Variants in NRG1 observed in about 807,000 individuals in gnomAD.
NRG1 encodes the protein neuregulin 1, also known as pro-neuregulin-1, membrane-bound isoform.
In NRG1, 18 loss-of-function variants were observed where a neutral mutation model predicts 63.8. The ratio of observed to expected loss-of-function variants is 0.28; its 90% confidence interval spans 0.19 to 0.42. The LOEUF is 0.42. NRG1 is among the 10% of genes least tolerant of loss of function. NRG1 has a pLI of 1.00. For synonymous variants in NRG1, 302 were observed against 301.3 expected (o/e 1.00, Z -0.02); for missense variants, 762 against 814.7 (o/e 0.94, Z 0.79).
chr8:32,344,602 A>ATTTTTTT (rs61448713), intron 1 of NRG1, among the ~76,000 whole-genome samples: 389 of 101,096 alleles, frequency 3.8e-3, no homozygotes, highest in Non-Finnish European at 4.4e-3. Context: ...ACACTCAGCT[A>ATTTTTTT]TTTTTTTTTT....
At chr8:32,324,844 G>A (rs116769974) in intron 1 of NRG1, among the ~76,000 whole-genome samples, 1,786 of 152,184 alleles carry the variant, frequency 0.012, 32 homozygotes, top group African/African-American at 0.035. Context: ...TGCAGGCCCT[G>A]GATTCAGAGC....
At chr8:32,484,919 A>G (rs1006770003) in intron 1 of NRG1, among the ~76,000 whole-genome samples, 1 of 152,190 alleles carries the variant, frequency 6.6e-6, no homozygotes, top group African/African-American at 2.4e-5. Flanking sequence ...TTAAATATTA[A>G]TCACAAAGAA....
intron 1 of NRG1, among the ~76,000 whole-genome samples, chr8:32,448,500 C>A (rs1045018910): frequency 1.3e-5 from 2 of 152,070 alleles, no homozygotes; most frequent in African/African-American, 2.4e-5. Context: ...TTAGCTGGCC[C>A]GAGTCTGGGA....
At position 31,689,424 on chromosome 8, in the gene NRG1, A is replaced by C. The variant is rs117779689; in HGVS notation, c.37+49993A>C. 3.2e-3 allele frequency among the ~76,000 whole-genome samples: 480 copies of C among 152,286 alleles called. 2 individuals carry two copies. Among genetic ancestry groups the C allele is most frequent in the South Asian group, 0.021 (102 of 4,828 alleles). On this transcript the variant is annotated intron_variant, in intron 1 of 10. Transcript: ENST00000519301. ...ATAATTTAGTACATTATTATTCTTTAATTTCTATAGTATTTATAATAAAGT... is the reference window on the plus strand; with the variant it reads ...ATAATTTAGTACATTATTATTCTTTCATTTCTATAGTATTTATAATAAAGT...
At chr8:32,543,349 A>G (rs912304839), upstream of NRG1, among the ~76,000 whole-genome samples, 2 of 152,174 alleles carry the variant, frequency 1.3e-5, no homozygotes, top group Non-Finnish European at 2.9e-5. Context: ...ATATATTTGC[A>G]TCATATACAC....
chr8:32,499,313 C>T lies in NRG1; in HGVS notation c.38-96515C>T, dbSNP rs191943804. The stretch of plus-strand genomic sequence containing the variant: ...CATTTCTATGAAAACAAAAGAAAAA[C>T]AAAGATTAACAGTTGGAGCAGACTC... On this transcript the variant is annotated intron_variant, in intron 1 of 10. Transcript: ENST00000519301. Among the ~76,000 whole-genome samples, 31 of 152,188 alleles carry T rather than the reference C, an allele frequency of 2.0e-4. No homozygotes were observed. The East Asian group carries it at 5.4e-3, about 27-fold the overall frequency.
chr8:31,727,618 T>C (rs1813579868), intron 1 of NRG1, among the ~76,000 whole-genome samples: 1 of 152,174 alleles, frequency 6.6e-6, no homozygotes, highest in African/African-American at 2.4e-5. Flanking sequence ...TCAATTACAC[T>C]ATATATTTTC....
At chr8:31,912,153 A>C (rs1223189489) in intron 1 of NRG1, among the ~76,000 whole-genome samples, 1 of 152,228 alleles carries the variant, frequency 6.6e-6, no homozygotes, top group Admixed American at 6.5e-5. Flanking sequence ...TATTGGGAGT[A>C]AGCACAGGGC....
intron 1 of NRG1, among the ~76,000 whole-genome samples, chr8:32,252,235 A>G (rs1288587558): frequency 1.3e-5 from 2 of 152,042 alleles, no homozygotes; most frequent in Non-Finnish European, 2.9e-5. Context: ...TTTTGTTGCC[A>G]TTGCTTTTGG....
intron 1 of NRG1, among the ~76,000 whole-genome samples, chr8:32,526,580 A>C (rs961247942): frequency 3.9e-5 from 6 of 152,096 alleles, no homozygotes; most frequent in African/African-American, 1.4e-4. Context: ...AAGGTGATAA[A>C]CACATGGGTC....
chr8:32,610,040 C>A (rs1231441026), intron 3 of NRG1, among the ~76,000 whole-genome samples: 1 of 151,950 alleles, frequency 6.6e-6, no homozygotes, highest in Non-Finnish European at 1.5e-5. Flanking sequence ...TGCTGTCAAA[C>A]TATTACATTA....
In NRG1 at chr8:31,887,179, G is replaced by A. The variant is rs542804841; in HGVS notation, c.37+247748G>A. Among the ~76,000 whole-genome samples, 17 of 152,144 alleles carry A rather than the reference G, an allele frequency of 1.1e-4. No homozygotes were observed. The East Asian group carries it at 3.1e-3, about 28-fold the overall frequency. ...CTGTTACAGAAAAGGCTGAAAATCA[G>A]CATGCAGATGAATGAGATAGCAGAT... On this transcript the variant is annotated intron_variant, in intron 1 of 10. Coordinates refer to the NRG1 transcript ENST00000519301.
chr8:31,828,071 T>G (rs540143975), intron 1 of NRG1, among the ~76,000 whole-genome samples: 4 of 152,226 alleles, frequency 2.6e-5, no homozygotes, highest in Non-Finnish European at 5.9e-5. Context: ...GCCACATATA[T>G]TATCATAGTG....
intron 5 of NRG1, among the ~76,000 whole-genome samples, chr8:32,727,484 T>G (rs918376274): frequency 1.3e-5 from 2 of 152,156 alleles, no homozygotes; most frequent in Non-Finnish European, 2.9e-5. Flanking sequence ...AATATATACA[T>G]CATGTCTAAA....
intron 1 of NRG1, among the ~76,000 whole-genome samples, chr8:31,788,908 T>A (rs1036723544): frequency 6.6e-6 from 1 of 152,186 alleles, no homozygotes; most frequent in Admixed American, 6.5e-5. Context: ...ACAATAAATA[T>A]GTGGAGGAGA....
At chr8:31,691,806 G>T (rs1194586450) in intron 1 of NRG1, among the ~76,000 whole-genome samples, 1 of 151,910 alleles carries the variant, frequency 6.6e-6, no homozygotes, top group African/African-American at 2.4e-5. Flanking sequence ...GATGAATCTA[G>T]TTCTTCAGAT....
At chr8:32,099,852 T>C (rs887593162) in intron 1 of NRG1, 3 of 152,354 alleles carry the variant, frequency 2.0e-5, no homozygotes, top group African/African-American at 7.2e-5. Flanking sequence ...ATTTTTCAAC[T>C]GTACATAGTT....
At chr8:32,752,378 A>G (rs1159425627) in intron 7 of NRG1, among the ~76,000 whole-genome samples, 1 of 152,192 alleles carries the variant, frequency 6.6e-6, no homozygotes, top group Non-Finnish European at 1.5e-5. Flanking sequence ...TTAACATATA[A>G]GCACTCACAT....
intron 1 of NRG1, among the ~76,000 whole-genome samples, chr8:31,687,035 C>T (rs1416798309): frequency 6.6e-6 from 1 of 152,132 alleles, no homozygotes; most frequent in African/African-American, 2.4e-5. Flanking sequence ...TCCCAAAGTG[C>T]TGGGATTACA....
Sources: allele counts gnomAD v4.1 joint callset (sites outside exome capture counted in the v4.1 genomes callset), GRCh38; gene constraint gnomAD v4.1.1; transcripts MANE v1.5; gene names NCBI Gene and HGNC (gene_info 2026-07-23, HGNC 2026-07-21).